Variants in MINDY4B observed in about 807,000 individuals in gnomAD.
MINDY4B encodes the protein MINDY family member 4B.
MINDY4B carries 25 observed loss-of-function variants against 16.7 expected under a neutral mutation model. The observed-to-expected ratio is 1.49, with a 90% CI of 1.09 to 2.09. MINDY4B has a LOEUF of 2.09. MINDY4B is among the 30% of genes most tolerant of loss of function. The pLI, the probability that MINDY4B is intolerant of heterozygous loss-of-function variation, is 0.00. For synonymous variants in MINDY4B, 132 were observed against 61.9 expected (o/e 2.13, Z -5.32); for missense variants, 327 against 168.4 (o/e 1.94, Z -5.21).
At chr3:150,888,809 A>C (rs1471377061) in intron 7 of MINDY4B, among the ~76,000 whole-genome samples, 1 of 152,144 alleles carries the variant, frequency 6.6e-6, no homozygotes, top group African/African-American at 2.4e-5. Context: ...GTATAGCTTC[A>C]GCTCTGATCC....
Position 150,871,216 on chromosome 3 carries a change from C to A in MINDY4B, c.1241-29G>T, listed in dbSNP as rs551478131. 150 of 699,670 alleles carry A rather than the reference C, an allele frequency of 2.1e-4. 1 individual carries two copies. In the African/African-American group the frequency reaches 2.5e-3, roughly 11 times the overall value. 43.3% of individuals were successfully genotyped at this position (699,670 alleles called of 1,614,324 possible). ...AAGAAGGAATAGCCAGCATTTAGAC[C>A]CAAGCCTATGAACACCATTCCAGAG... On this transcript the variant is annotated intron_variant, in intron 11 of 11. Transcript: ENST00000465419.
chr3:150,887,965 A>G (rs1334385941), intron 7 of MINDY4B, among the ~76,000 whole-genome samples: 3 of 152,006 alleles, frequency 2.0e-5, no homozygotes, highest in African/African-American at 7.3e-5. Flanking sequence ...AAAATTAGCC[A>G]GGCGTGGTGG....
chr3:150,883,779 A>C lies in MINDY4B; in HGVS notation c.825-7T>G, dbSNP rs910323041. 3 of 702,568 alleles carry C rather than the reference A, an allele frequency of 4.3e-6. No homozygotes were observed. The highest frequency in any genetic ancestry group is 7.8e-6 in the Non-Finnish European group (3 of 384,800). The allele number at this position is 702,568 out of a possible 1,614,324, so 43.5% of individuals were successfully genotyped here. ...ATCTAGGTCCATTTGAAGCCTGCAG[A>C]GTGGGAGAAGCCATCAGCATCCAGT... is the stretch of plus-strand genomic sequence containing the variant. On this transcript the variant is annotated splice_region_variant and splice_polypyrimidine_tract_variant and intron_variant, in intron 8 of 11. Coordinates refer to ENST00000465419, the MANE Select transcript of MINDY4B (RefSeq NM_001351281.2).
At chr3:150,903,591 CTG>C (rs1285991770) in intron 2 of MINDY4B, among the ~76,000 whole-genome samples, 175 bp from the exon 3 acceptor site, 6 of 152,138 alleles carry the variant, frequency 3.9e-5, no homozygotes, top group Non-Finnish European at 7.4e-5. Flanking sequence ...ATCCCAGTGT[CTG>C]TGTCAAAGGG....
intron 10 of MINDY4B, among the ~76,000 whole-genome samples, chr3:150,874,805 C>T (rs949146623): frequency 6.6e-6 from 1 of 152,218 alleles, no homozygotes; most frequent in Non-Finnish European, 1.5e-5. Context: ...CTCAATAACT[C>T]TATTCAAATC....
intron 10 of MINDY4B, among the ~76,000 whole-genome samples, chr3:150,878,137 T>C (rs537288414): frequency 1.4e-5 from 2 of 146,938 alleles, no homozygotes; most frequent in African/African-American, 5.1e-5. Flanking sequence ...AATAAATAAA[T>C]GAAATGACCC....
chr3:150,875,431 T>A (rs1711496085), intron 10 of MINDY4B, among the ~76,000 whole-genome samples: 1 of 152,220 alleles, frequency 6.6e-6, no homozygotes, highest in Non-Finnish European at 1.5e-5. Context: ...TCAGTTTTAA[T>A]CTAGTGATAT....
At chr3:150,902,246 G>T (rs1350004060) in intron 3 of MINDY4B, among the ~76,000 whole-genome samples, 1 of 152,154 alleles carries the variant, frequency 6.6e-6, no homozygotes, top group Non-Finnish European at 1.5e-5. Flanking sequence ...GTCCTGGGTT[G>T]TTTCTACAAA....
At chr3:150,901,167 G>T (rs1401634351) in intron 3 of MINDY4B, 1 of 152,182 alleles carries the variant, frequency 6.6e-6, no homozygotes, top group African/African-American at 2.4e-5. Context: ...CAGAAGCCAA[G>T]AATACATTTT....
Position 150,897,922 on chromosome 3 carries a change from T to A in MINDY4B, c.310-3617A>T, listed in dbSNP as rs545266221. 9.2e-5 allele frequency among the ~76,000 whole-genome samples: 14 copies of A among 152,316 alleles called. No homozygotes were observed. The South Asian group carries it at 2.7e-3, about 29-fold the overall frequency. Reference sequence around the variant, plus strand: ...AGGCATTGAAAACTAATGGAAAATGTTTCCCTGACATTGAGATTGCACAGC... The same window carrying A: ...AGGCATTGAAAACTAATGGAAAATGATTCCCTGACATTGAGATTGCACAGC... On this transcript the variant is annotated intron_variant, in intron 3 of 11. Transcript: ENST00000465419.
chr3:150,894,061 A>C (rs202060959), intron 4 of MINDY4B, 125 bp downstream of exon 4: 1 of 517,342 alleles, frequency 1.9e-6, no homozygotes, highest in Non-Finnish European at 3.4e-6. Flanking sequence ...TAAACTTTAC[A>C]TTATAAATAT....
chr3:150,890,684 GA>G (rs1215211672), intron 6 of MINDY4B: 2 of 504,564 alleles, frequency 4.0e-6, no homozygotes, highest in East Asian at 5.9e-5. Context: ...AGTGGATATG[GA>G]AATATCATTT....
At chr3:150,898,638 C>T (rs558888604) in intron 3 of MINDY4B, among the ~76,000 whole-genome samples, 1 of 152,300 alleles carries the variant, frequency 6.6e-6, no homozygotes, top group East Asian at 1.9e-4. Context: ...TAAGTGGCTG[C>T]CATGATTATT....
rs931642557 is a variant in MINDY4B at position 150,893,695 on chromosome 3, T to G, written c.430-280A>C. Among the ~76,000 whole-genome samples, 3 of 43,752 alleles carry G rather than the reference T, an allele frequency of 6.9e-5. No homozygotes were observed. In the Admixed American group the frequency reaches 8.0e-4, roughly 12 times the overall value. The allele number at this position is 43,752 out of a possible 152,430, so 28.7% of individuals were successfully genotyped here. A position where few individuals can be genotyped will look rare whatever the true frequency, so the allele number is the denominator to read the frequency against. ...GTCCCTGCTTCATAGTAGTTTTTTT[T>G]TGGGGGGGGGGGTGGGGTGCAGTCT... On this transcript the variant is annotated intron_variant, in intron 4 of 11. Transcript: ENST00000465419.
intron 3 of MINDY4B, among the ~76,000 whole-genome samples, chr3:150,894,798 A>T (rs947685776): frequency 1.3e-5 from 2 of 152,218 alleles, no homozygotes; most frequent in Non-Finnish European, 2.9e-5. Context: ...GACTTTTTAT[A>T]AACCAAATGT....
At chr3:150,884,021 T>C (rs1711567332) in intron 8 of MINDY4B, among the ~76,000 whole-genome samples, 1 of 152,194 alleles carries the variant, frequency 6.6e-6, no homozygotes, top group Non-Finnish European at 1.5e-5. Context: ...CGAATCCCTG[T>C]GTGTGTGCTC....
chr3:150,883,162 T>G (rs773275949), intron 9 of MINDY4B, 104 bp from the exon 10 acceptor site: 8 of 582,228 alleles, frequency 1.4e-5, no homozygotes, highest in African/African-American at 3.8e-5. Flanking sequence ...GTGAAAAGAA[T>G]GAAATCACAT....
intron 3 of MINDY4B, among the ~76,000 whole-genome samples, chr3:150,896,036 C>G (rs2107908361): frequency 6.6e-6 from 1 of 151,914 alleles, no homozygotes; most frequent in Middle Eastern, 3.4e-3. Context: ...TAACATAATC[C>G]CAGACTTCTT....
chr3:150,903,995 A>G (rs987952252), intron 2 of MINDY4B, among the ~76,000 whole-genome samples: 1 of 152,164 alleles, frequency 6.6e-6, no homozygotes, highest in African/African-American at 2.4e-5. Context: ...CTTCAAATTT[A>G]CTTAGCTTAT....
Sources: allele counts gnomAD v4.1 joint callset (sites outside exome capture counted in the v4.1 genomes callset), GRCh38; gene constraint gnomAD v4.1.1; transcripts MANE v1.5; gene names NCBI Gene and HGNC (gene_info 2026-07-23, HGNC 2026-07-21).